Variants in EIF2B1 observed in about 807,000 individuals in gnomAD.
The protein encoded by EIF2B1 is eukaryotic translation initiation factor 2B subunit alpha, also known as translation initiation factor eIF2B subunit alpha.
A neutral mutation model predicts 36.8 loss-of-function variants in EIF2B1; 30 were observed. The ratio of observed to expected loss-of-function variants is 0.81; its 90% CI spans 0.61 to 1.10. The LOEUF (loss-of-function observed/expected upper bound fraction) is 1.10. Among genes scored for constraint, EIF2B1 ranks in the 50% least tolerant of loss-of-function variants. The probability of loss-of-function intolerance (pLI) is 0.00; values close to 1 mark genes in which losing one functional copy is unlikely to be tolerated. For synonymous variants in EIF2B1, 139 were observed against 142.2 expected (o/e 0.98, Z 0.16); for missense variants, 271 against 374.8 (o/e 0.72, Z 2.29).
At position 123,622,736 on chromosome 12, in the gene EIF2B1, C is replaced by T; in HGVS notation, c.653G>A (p.Cys218Tyr). ...GAAAGGTTTGTTCTGTGCTTTGGCACACACAGCCATCTGGTTGGTTCCAAT... is the reference window on the plus strand; with the variant it reads ...GAAAGGTTTGTTCTGTGCTTTGGCATACACAGCCATCTGGTTGGTTCCAAT... Reference protein sequence around the residue: ...NKIGTNQMAVCAKAQNKPFYV... With the variant: ...NKIGTNQMAVYAKAQNKPFYV... The change falls in exon 8 of 9, where the codon TGT becomes TAT. Residue 218 changes from cysteine to tyrosine, a missense_variant. Coordinates refer to ENST00000424014, the MANE Select transcript of EIF2B1 (RefSeq NM_001414.4). 2 of 1,614,108 alleles carry T rather than the reference C, an allele frequency of 1.2e-6. No homozygotes were observed. Among genetic ancestry groups the T allele is most frequent in the Non-Finnish European group, 1.7e-6 (2 of 1,179,958 alleles).
At chr12:123,625,042 G>C (rs977866594) in intron 6 of EIF2B1, among the ~76,000 whole-genome samples, 180 bp from the exon 7 acceptor site, 1 of 151,908 alleles carries the variant, frequency 6.6e-6, no homozygotes, top group Non-Finnish European at 1.5e-5. Context: ...GTGTTTTCTG[G>C]TCATGACCCT....
At chr12:123,629,054 A>T (rs1469100808) in intron 4 of EIF2B1, among the ~76,000 whole-genome samples, 2 of 152,186 alleles carry the variant, frequency 1.3e-5, no homozygotes, top group Non-Finnish European at 2.9e-5. Context: ...CTTCGTTTGC[A>T]ACTGGCTTTT....
At position 123,621,173 on chromosome 12, in the gene EIF2B1, C is replaced by G. The variant is rs1955090126; in HGVS notation, c.*583G>C. 6.0e-6 allele frequency: 1 copy of G among 165,470 alleles called. No homozygotes were observed. The highest frequency in any genetic ancestry group is 1.6e-4 in the South Asian group (1 of 6,180). The allele number at this position is 165,470 out of a possible 1,614,324, so 10.3% of individuals were successfully genotyped here. A position where few individuals can be genotyped will look rare whatever the true frequency, so the allele number is the denominator to read the frequency against. On this transcript the variant is annotated 3_prime_UTR_variant, in exon 9 of 9. Coordinates refer to ENST00000424014, the MANE Select transcript of EIF2B1 (RefSeq NM_001414.4). Reference sequence around the variant, plus strand: ...ATATTCCAGAAGGCATTTTCTTAAGCAGTGAACCATGCAGAATACTGTTGC... The same window carrying G: ...ATATTCCAGAAGGCATTTTCTTAAGGAGTGAACCATGCAGAATACTGTTGC...
intron 1 of EIF2B1, 58 bp from the exon 2 acceptor site, chr12:123,632,504 G>A (rs923383349): frequency 1.0e-5 from 12 of 1,186,606 alleles, no homozygotes; most frequent in East Asian, 2.3e-5. Context: ...TAAGGCAAGA[G>A]AGCTTGTTAA....
intron 4 of EIF2B1, among the ~76,000 whole-genome samples, chr12:123,628,514 C>T (rs1955165295): frequency 6.6e-6 from 1 of 151,860 alleles, no homozygotes; most frequent in Admixed American, 6.6e-5. Flanking sequence ...AGGAGTGTGC[C>T]ACCACGCCTG....
At position 123,620,594 on chromosome 12, in the gene EIF2B1, A is replaced by T. The variant is rs1319735412; in HGVS notation, c.*1162T>A. 1 of 67,636 alleles carries T rather than the reference A, an allele frequency of 1.5e-5. No individual in the cohort carries two copies. Among genetic ancestry groups the T allele is most frequent in the Non-Finnish European group, 3.6e-5 (1 of 27,668 alleles). 4.2% of individuals were successfully genotyped at this position (67,636 alleles called of 1,614,324 possible). Reference sequence around the variant, plus strand: ...ATATGTACATATTATATATATATATATATATATATATATATATATATATAT... The same window carrying T: ...ATATGTACATATTATATATATATATTTATATATATATATATATATATATAT... On this transcript the variant is annotated 3_prime_UTR_variant, in exon 9 of 9. Transcript: ENST00000424014.
rs370141777 is a variant in EIF2B1, at chr12:123,630,118, C to T, written c.369+51G>A. On this transcript the variant is annotated intron_variant, in intron 4 of 8. Coordinates refer to ENST00000424014, the MANE Select transcript of EIF2B1 (RefSeq NM_001414.4). The surrounding 1 kb of genome is among the most constrained non-coding windows in gnomAD (Gnocchi z 4.6). ...GAGCCCGGATTTTACCCCAGGCAGT[C>T]GGACTCGAAACCGTTGCTCCTCCTT... is the stretch of plus-strand genomic sequence containing the variant. The T allele has an allele frequency of 4.6e-6, 7 of 1,535,062 alleles. No homozygotes were observed. The highest frequency in any genetic ancestry group is 4.5e-5 in the South Asian group (4 of 89,548).
chr12:123,625,354 C>T (rs1955140604), intron 6 of EIF2B1, among the ~76,000 whole-genome samples: 1 of 151,948 alleles, frequency 6.6e-6, no homozygotes, highest in African/African-American at 2.4e-5. Flanking sequence ...TAGGCTCAAG[C>T]GATCCTCCCA....
rs752266121 is a variant in EIF2B1, at chr12:123,630,445, G to T, written c.204C>A (p.Gly68=). The change falls in exon 3 of 9, where the codon GGC becomes GGA. Residue 68 remains glycine (G), a synonymous_variant. Transcript: ENST00000424014. The surrounding 1 kb of genome is among the most constrained non-coding windows in gnomAD (Gnocchi z 4.6). ...GVDSSVAVSS[G]GELFLRFISL... The stretch of plus-strand genomic sequence containing the variant: ...TGATGAAGCGGAGGAAGAGCTCCCC[G>T]CCAGAGGACACTGCCACAGAGGAGT... 2 of 1,613,960 alleles carry T rather than the reference G, an allele frequency of 1.2e-6. No homozygotes were observed. Among genetic ancestry groups the T allele is most frequent in the African/African-American group, 1.3e-5 (1 of 74,888 alleles).
rs1261657550 is a variant in EIF2B1, at chr12:123,630,160, T to C, written c.369+9A>G. The C allele has an allele frequency of 6.2e-7, 1 of 1,611,966 alleles. No individual in the cohort carries two copies. Among genetic ancestry groups the C allele is most frequent in the Admixed American group, 1.7e-5 (1 of 60,014 alleles). On this transcript the variant is annotated intron_variant, in intron 4 of 8. Coordinates refer to ENST00000424014, the MANE Select transcript of EIF2B1 (RefSeq NM_001414.4). The surrounding 1 kb of genome is among the most constrained non-coding windows in gnomAD (Gnocchi z 4.6). ...CTCCTCCTTACCACCATGATGATTA[T>C]CCACTCACCGCTCCATCTTTGATGA...
Position 123,621,851 on chromosome 12 carries a change from A to G in EIF2B1, c.823T>C (p.Tyr275His), listed in dbSNP as rs778086602. The change falls in exon 9 of 9, where the codon TAC becomes CAC. Residue 275 changes from tyrosine (Y) to histidine (H), a missense_variant. By Grantham distance (83) the Tyr-to-His change is moderately conservative. Coordinates refer to ENST00000424014, the MANE Select transcript of EIF2B1 (RefSeq NM_001414.4). ...AGAGTGATTAAGGAAGGGGCAGTGT[A>G]GTCGACCCACGGATGCTCCTCTTTG... ...DLKEEHPWVD[Y>H]TAPSLITLLF... The G allele has an allele frequency of 6.2e-7, 1 of 1,614,074 alleles. No individual in the cohort carries two copies. Among genetic ancestry groups the G allele is most frequent in the East Asian group, 2.2e-5 (1 of 44,882 alleles).
In EIF2B1 at chr12:123,624,186, CATAA is replaced by C. The variant is rs1194154534; in HGVS notation, c.627+597_627+600del. Among the ~76,000 whole-genome samples the C allele has an allele frequency of 5.4e-5, 8 of 149,206 alleles. No individual in the cohort carries two copies. In the South Asian group the frequency reaches 6.3e-4, roughly 12 times the overall value. ...TGCATAAATAAAACATACATATACA[CATAA>C]ATAAAGCAAAAACCAGACAAACCCC... On this transcript the variant is annotated intron_variant, in intron 7 of 8. Transcript: ENST00000424014.
chr12:123,630,004 G>T lies in EIF2B1; in HGVS notation c.369+165C>A. 1 of 705,976 alleles carries T rather than the reference G, an allele frequency of 1.4e-6. No homozygotes were observed. Among genetic ancestry groups the T allele is most frequent in the Non-Finnish European group, 2.5e-6 (1 of 395,196 alleles). 43.7% of individuals were successfully genotyped at this position (705,976 alleles called of 1,614,324 possible). ...ATCCTCACAACAACCCAAGGAGGTA[G>T]GTACTATTGTCATCCTTATTTAACA... On this transcript the variant is annotated intron_variant, in intron 4 of 8. Transcript: ENST00000424014. The surrounding 1 kb of genome is among the most constrained non-coding windows in gnomAD (Gnocchi z 4.6).
At chr12:123,629,620 C>T (rs188171746) in intron 4 of EIF2B1, among the ~76,000 whole-genome samples, 69 of 152,092 alleles carry the variant, frequency 4.5e-4, no homozygotes, top group African/African-American at 1.4e-3. Flanking sequence ...AGTGAAACCC[C>T]GTCTCTACTA....
At chr12:123,628,748 T>C (rs957850688) in intron 4 of EIF2B1, among the ~76,000 whole-genome samples, 5 of 152,122 alleles carry the variant, frequency 3.3e-5, no homozygotes, top group Admixed American at 3.3e-4. Context: ...TTTCTGGGTC[T>C]CACCTGAGAA....
chr12:123,632,270 TA>T (rs373001833), intron 2 of EIF2B1, 74 bp downstream of exon 2: 69,778 of 725,164 alleles, frequency 0.096, no homozygotes, highest in East Asian at 0.18. Context: ...TCCGTCTCTT[TA>T]AAAAAAAAAA....
At chr12:123,631,719 A>C (rs893305193) in intron 2 of EIF2B1, among the ~76,000 whole-genome samples, 1 of 152,090 alleles carries the variant, frequency 6.6e-6, no homozygotes, top group South Asian at 2.1e-4. Context: ...AGGCAGGAGA[A>C]TGGCATGAAC....
rs1171675710 is a variant in EIF2B1, at chr12:123,620,587, T to TAC, written c.*1168_*1169insGT. The TAC allele has an allele frequency of 2.2e-5, 1 of 45,966 alleles. No individual in the cohort carries two copies. Among genetic ancestry groups the TAC allele is most frequent in the Admixed American group, 2.0e-4 (1 of 4,938 alleles). 2.8% of individuals were successfully genotyped at this position (45,966 alleles called of 1,614,324 possible). A position where few individuals can be genotyped will look rare whatever the true frequency, so the allele number is the denominator to read the frequency against. Reference sequence around the variant, plus strand: ...TATAGACATATGTACATATTATATATATATATATATATATATATATATATA... The same window carrying TAC: ...TATAGACATATGTACATATTATATATACATATATATATATATATATATATATA... On this transcript the variant is annotated 3_prime_UTR_variant, in exon 9 of 9. Transcript: ENST00000424014.
In EIF2B1 at chr12:123,630,067, C is replaced by A; in HGVS notation, c.369+102G>T. 1.0e-6 allele frequency: 1 copy of A among 977,154 alleles called. No homozygotes were observed. The highest frequency in any genetic ancestry group is 1.3e-5 in the South Asian group (1 of 78,034). 60.5% of individuals were successfully genotyped at this position (977,154 alleles called of 1,614,324 possible). A position where few individuals can be genotyped will look rare whatever the true frequency, so the allele number is the denominator to read the frequency against. ...GCACAGACAGGTTAAGTTACTTGTTCAAGTCTCCACAGCAAGTGAGTGGCA... is the reference window on the plus strand; with the variant it reads ...GCACAGACAGGTTAAGTTACTTGTTAAAGTCTCCACAGCAAGTGAGTGGCA... On this transcript the variant is annotated intron_variant, in intron 4 of 8. Transcript: ENST00000424014. This position sits in a 1 kb window ranked among gnomAD's most constrained non-coding sequence, Gnocchi z 4.6.
Sources: allele counts gnomAD v4.1 joint callset (sites outside exome capture counted in the v4.1 genomes callset), GRCh38; gene constraint gnomAD v4.1.1; non-coding constraint Gnocchi (gnomAD v3.1); transcripts MANE v1.5; gene names NCBI Gene and HGNC (gene_info 2026-07-23, HGNC 2026-07-21).